Variants in IFT70B observed in about 807,000 individuals in gnomAD.
IFT70B encodes the protein intraflagellar transport 70B.
the IFT70B span, chr2:177,552,439 G>C: frequency 5.0e-6 from 8 of 1,613,234 alleles, no homozygotes; most frequent in Non-Finnish European, 5.9e-6. Flanking sequence ...TGGTAGGCGG[G>C]GTTATCCAGG....
At chr2:177,552,781 T>A in the IFT70B span, 40 of 1,510,890 alleles carry the variant, frequency 2.6e-5, no homozygotes, top group East Asian at 9.3e-4. Context: ...ACGGCTGTTA[T>A]GGGTGCGGTT....
the IFT70B span, chr2:177,552,006 G>C: frequency 6.2e-7 from 1 of 1,614,086 alleles, no homozygotes; most frequent in Admixed American, 1.7e-5. Context: ...AAGGTTGAAG[G>C]CTTCCACCAG....
the IFT70B span, chr2:177,551,137 G>A: frequency 6.2e-7 from 1 of 1,613,996 alleles, no homozygotes; most frequent in Non-Finnish European, 8.5e-7. Flanking sequence ...ACAATGCAGA[G>A]ATGGTACATT....
the IFT70B span, chr2:177,551,864 G>A: frequency 5.6e-6 from 9 of 1,614,232 alleles, no homozygotes; most frequent in Middle Eastern, 1.6e-4. Context: ...CTGTAGGCCT[G>A]GCATCCATGT....
chr2:177,552,768 A>G, the IFT70B span: 8 of 1,539,130 alleles, frequency 5.2e-6, no homozygotes, highest in South Asian at 3.7e-5. Context: ...AGCCATAACC[A>G]CCACGGCTGT....
chr2:177,552,719 G>C, the IFT70B span: 1 of 1,592,294 alleles, frequency 6.3e-7, no homozygotes, highest in Non-Finnish European at 8.6e-7. Flanking sequence ...ACACGACCGC[G>C]GTGAACTCCC....
the IFT70B span, chr2:177,551,786 C>G: frequency 1.9e-6 from 3 of 1,614,242 alleles, no homozygotes; most frequent in South Asian, 1.1e-5. Flanking sequence ...AGAGCAGCAA[C>G]AGGTTGCCAA....
the IFT70B span, chr2:177,550,824 G>T: frequency 3.1e-6 from 5 of 1,614,016 alleles, no homozygotes; most frequent in Non-Finnish European, 4.2e-6. Flanking sequence ...AGACTCATAT[G>T]TGACTGTATT....
At chr2:177,551,241 T>C in the IFT70B span, 8 of 1,613,830 alleles carry the variant, frequency 5.0e-6, no homozygotes, top group African/African-American at 8.0e-5. Flanking sequence ...TGTCATAATA[T>C]AGGAAACACA....
the IFT70B span, chr2:177,550,607 C>G: frequency 3.3e-6 from 2 of 600,900 alleles, no homozygotes; most frequent in Non-Finnish European, 5.2e-6. Flanking sequence ...ATGTCACTTT[C>G]TGGGAAATTT....
At chr2:177,550,682 CAAATAT>C in the IFT70B span, 1 of 1,259,910 alleles carries the variant, frequency 7.9e-7, no homozygotes, top group Non-Finnish European at 1.1e-6. Context: ...CAACATGTAA[CAAATAT>C]AAAGATGCCA....
the IFT70B span, chr2:177,550,979 T>C: frequency 6.2e-7 from 1 of 1,614,176 alleles, no homozygotes; most frequent in Non-Finnish European, 8.5e-7. Context: ...TTGACATGTT[T>C]TCTAACAAGG....
the IFT70B span, chr2:177,552,636 C>G: frequency 1.3e-6 from 2 of 1,590,344 alleles, no homozygotes; most frequent in African/African-American, 1.3e-5. Flanking sequence ...GGCGCGGCTC[C>G]TAGGGCTCCG....
the IFT70B span, chr2:177,550,855 C>A: frequency 6.2e-7 from 1 of 1,614,012 alleles, no homozygotes; most frequent in African/African-American, 1.3e-5. Flanking sequence ...TGCATTCTTT[C>A]TTCTTCCAGG....
chr2:177,552,698 G>C, the IFT70B span: 3 of 1,599,642 alleles, frequency 1.9e-6, no homozygotes, highest in South Asian at 1.1e-5. Flanking sequence ...GTGCATTGCG[G>C]ATGAGGCGGT....
the IFT70B span, chr2:177,552,772 C>G: frequency 5.2e-6 from 8 of 1,533,770 alleles, no homozygotes; most frequent in African/African-American, 6.9e-5. Flanking sequence ...ATAACCACCA[C>G]GGCTGTTATG....
chr2:177,552,255 T>C, the IFT70B span: 14 of 1,614,140 alleles, frequency 8.7e-6, no homozygotes, highest in Non-Finnish European at 1.2e-5. Context: ...TGCAGCTTCA[T>C]ACTGTCCCTC....
At chr2:177,552,534 T>C in the IFT70B span, 1 of 1,600,388 alleles carries the variant, frequency 6.2e-7, no homozygotes, top group Non-Finnish European at 8.5e-7. Context: ...CTGCTCCAGT[T>C]CCGGGTGCAG....
chr2:177,551,400 T>C, the IFT70B span: 1 of 1,614,186 alleles, frequency 6.2e-7, no homozygotes, highest in African/African-American at 1.3e-5. Context: ...ATCATGGTCG[T>C]TACAGAATTC....
Sources: gnomAD v4.1 joint callset for allele counts on GRCh38, gnomAD v4.1.1 for gene constraint, MANE v1.5 for transcripts, NCBI Gene and HGNC (gene_info 2026-07-23, HGNC 2026-07-21) for gene names.